Variants in TBC1D19 observed in about 807,000 individuals in gnomAD.
TBC1D19 encodes the protein TBC1 domain family member 19.
In TBC1D19, 60 loss-of-function variants were observed where a neutral mutation model predicts 89.0. The observed-to-expected ratio is 0.67, with a 90% CI of 0.55 to 0.84. The LOEUF is 0.84. Among genes scored for constraint, TBC1D19 ranks in the 40% least tolerant of loss-of-function variants. The pLI, the probability that TBC1D19 is intolerant of heterozygous loss-of-function variation, is 0.00. For missense variants in TBC1D19, 500 were observed against 610.8 expected, an observed-to-expected ratio of 0.82 and a Z score of 1.91; for synonymous variants, 189 against 199.7, an observed-to-expected ratio of 0.95 and a Z score of 0.45.
the TBC1D19 span, among the ~76,000 whole-genome samples, chr4:26,780,618 A>C: frequency 6.6e-6 from 1 of 152,238 alleles, no homozygotes; most frequent in African/African-American, 2.4e-5. Flanking sequence ...CCAGCTACCC[A>C]CAGTGCAATC....
At chr4:26,686,247 C>T (rs1713800932) in intron 12 of TBC1D19, among the ~76,000 whole-genome samples, 1 of 152,102 alleles carries the variant, frequency 6.6e-6, no homozygotes, top group Non-Finnish European at 1.5e-5. Flanking sequence ...GGCAATGTTA[C>T]AAAATCCATG....
chr4:26,727,014 A>G (rs1406790401), intron 15 of TBC1D19, among the ~76,000 whole-genome samples: 1 of 152,226 alleles, frequency 6.6e-6, no homozygotes, highest in African/African-American at 2.4e-5. Flanking sequence ...TTAATATTTT[A>G]GACTTTCTTC....
At chr4:26,580,455 C>T (rs1378595818), upstream of TBC1D19, among the ~76,000 whole-genome samples, 1 of 152,142 alleles carries the variant, frequency 6.6e-6, no homozygotes, top group East Asian at 1.9e-4. Flanking sequence ...CTGAGGACTC[C>T]TGGAATGTGA....
At chr4:26,620,272 A>C (rs1042852919) in intron 3 of TBC1D19, among the ~76,000 whole-genome samples, 3 of 152,120 alleles carry the variant, frequency 2.0e-5, no homozygotes, top group Non-Finnish European at 2.9e-5. Context: ...CTGACCTCCA[A>C]ATTTATTGTG....
intron 7 of TBC1D19, among the ~76,000 whole-genome samples, chr4:26,657,512 T>C: frequency 6.6e-6 from 1 of 152,208 alleles, no homozygotes; most frequent in Non-Finnish European, 1.5e-5. Context: ...TGGTTCCAAG[T>C]CTTTGCTATT....
At chr4:26,801,163 C>T in the TBC1D19 span, among the ~76,000 whole-genome samples, 1 of 152,114 alleles carries the variant, frequency 6.6e-6, no homozygotes, top group Non-Finnish European at 1.5e-5. Flanking sequence ...AGTCTTTAAT[C>T]CATCTTGAAT....
At chr4:26,645,345 A>G (rs964636855) in intron 7 of TBC1D19, among the ~76,000 whole-genome samples, 1 of 152,220 alleles carries the variant, frequency 6.6e-6, no homozygotes, top group African/African-American at 2.4e-5. Context: ...CTCAGAGATA[A>G]CACCACACAT....
At chr4:26,650,721 G>T (rs935046417) in intron 7 of TBC1D19, among the ~76,000 whole-genome samples, 5 of 152,128 alleles carry the variant, frequency 3.3e-5, no homozygotes, top group Admixed American at 6.5e-5. Context: ...TGTTTAATTA[G>T]ATCCCATTTG....
chr4:26,732,448 T>C (rs1330651514), intron 15 of TBC1D19, among the ~76,000 whole-genome samples: 1 of 152,186 alleles, frequency 6.6e-6, no homozygotes, highest in East Asian at 1.9e-4. Flanking sequence ...ATTATGATTG[T>C]TTTGTCCCTA....
the TBC1D19 span, among the ~76,000 whole-genome samples, chr4:26,855,507 A>G: frequency 6.6e-6 from 1 of 152,202 alleles, no homozygotes; most frequent in Non-Finnish European, 1.5e-5. Context: ...AAAATACCGG[A>G]GTTCCTCACC....
intron 13 of TBC1D19, among the ~76,000 whole-genome samples, chr4:26,696,642 A>G (rs953072357): frequency 2.6e-4 from 40 of 152,340 alleles, no homozygotes; most frequent in African/African-American, 9.4e-4. Flanking sequence ...AAAGAACAGA[A>G]ATTATAACAA....
chr4:26,588,530 T>C (rs988563333), intron 1 of TBC1D19, among the ~76,000 whole-genome samples: 1 of 152,190 alleles, frequency 6.6e-6, no homozygotes, highest in Non-Finnish European at 1.5e-5. Flanking sequence ...GAGACCTTTA[T>C]TCTCTTCTAA....
intron 4 of TBC1D19, among the ~76,000 whole-genome samples, chr4:26,623,830 T>C (rs1194673004): frequency 1.3e-5 from 2 of 152,146 alleles, no homozygotes; most frequent in Admixed American, 6.6e-5. Context: ...GTTTACTTTA[T>C]TTTAGACATT....
At chr4:26,623,714 C>T (rs545227236) in intron 4 of TBC1D19, among the ~76,000 whole-genome samples, 2 of 152,212 alleles carry the variant, frequency 1.3e-5, no homozygotes, top group Admixed American at 6.5e-5. Flanking sequence ...ATTATTTCTT[C>T]CCATAGTCTT....
intron 1 of TBC1D19, among the ~76,000 whole-genome samples, chr4:26,577,325 G>A (rs1260089838): frequency 1.3e-5 from 2 of 151,998 alleles, no homozygotes; most frequent in African/African-American, 4.8e-5. Flanking sequence ...CTGTGTGTGT[G>A]TGTATTCTCC....
At chr4:26,841,183 C>T in the TBC1D19 span, among the ~76,000 whole-genome samples, 2 of 152,120 alleles carry the variant, frequency 1.3e-5, no homozygotes, top group Non-Finnish European at 2.9e-5. Context: ...TTGAGCCCAC[C>T]CTGGCCAACA....
intron 17 of TBC1D19, among the ~76,000 whole-genome samples, chr4:26,741,676 A>C (rs1718387063): frequency 1.3e-5 from 2 of 148,894 alleles, no homozygotes; most frequent in Non-Finnish European, 1.5e-5. Context: ...GGCAGTCACC[A>C]CCTTTTTTGG....
chr4:26,689,554 A>G (rs1714101705), intron 13 of TBC1D19, among the ~76,000 whole-genome samples: 1 of 152,122 alleles, frequency 6.6e-6, no homozygotes, highest in African/African-American at 2.4e-5. Flanking sequence ...CATTTTTTTC[A>G]ACAGCATGAG....
intron 7 of TBC1D19, 101 bp downstream of exon 7, chr4:26,640,288 GC>G: frequency 1.1e-6 from 1 of 946,746 alleles, no homozygotes. Flanking sequence ...CATGTAAAAA[GC>G]CCCAGAGTCA....
Sources: gnomAD v4.1 joint callset for allele counts (sites outside exome capture counted in the v4.1 genomes callset) on GRCh38, gnomAD v4.1.1 for gene constraint, MANE v1.5 for transcripts, NCBI Gene and HGNC (gene_info 2026-07-23, HGNC 2026-07-21) for gene names.